Variants in EFCAB6 observed in about 807,000 individuals in gnomAD.
The protein encoded by EFCAB6 is EF-hand calcium-binding domain-containing protein 6.
In EFCAB6, 156 loss-of-function variants were observed where a neutral mutation model predicts 169.8. The ratio of observed to expected loss-of-function variants is 0.92; its 90% CI spans 0.81 to 1.05. The LOEUF (loss-of-function observed/expected upper bound fraction) is 1.05. Ranked by LOEUF, EFCAB6 falls within the 50% of genes least tolerant of loss-of-function variation. EFCAB6 has a pLI of 0.00. For synonymous variants in EFCAB6, 698 were observed against 676.4 expected (o/e 1.03, Z -0.50); for missense variants, 1,800 against 1,829.1 (o/e 0.98, Z 0.29).
At chr22:43,546,506 T>C (rs1023300238) in intron 27 of EFCAB6, among the ~76,000 whole-genome samples, 4 of 152,092 alleles carry the variant, frequency 2.6e-5, no homozygotes, top group Admixed American at 6.6e-5. Flanking sequence ...TTTTAAAAAA[T>C]TGAGAGGAAA....
chr22:43,634,457 T>C (rs1376176376), intron 18 of EFCAB6, among the ~76,000 whole-genome samples: 5 of 152,044 alleles, frequency 3.3e-5, no homozygotes, highest in African/African-American at 9.7e-5. Flanking sequence ...AAATGAAAAA[T>C]GCACAGGGCT....
At chr22:43,676,508 A>C (rs1439945928) in intron 13 of EFCAB6, among the ~76,000 whole-genome samples, 1 of 152,040 alleles carries the variant, frequency 6.6e-6, no homozygotes, top group African/African-American at 2.4e-5. Context: ...AATTTATCAA[A>C]ATTTTAACTG....
At chr22:43,613,446 TC>T (rs779943519) in intron 21 of EFCAB6, among the ~76,000 whole-genome samples, 44 of 152,148 alleles carry the variant, frequency 2.9e-4, no homozygotes, top group East Asian at 2.5e-3. Context: ...AAGAATAAGA[TC>T]ATGTCCTTTG....
At position 43,777,433 on chromosome 22, in the gene EFCAB6, G is replaced by A. The variant is rs141137511; in HGVS notation, c.140-4330C>T. Among the ~76,000 whole-genome samples, 67 of 152,286 alleles carry A rather than the reference G, an allele frequency of 4.4e-4. No individual in the cohort carries two copies. The East Asian group carries it at 0.013, about 29-fold the overall frequency. ...ACAGAGGAATGAGCACAGCCCTGAGGGGGAAGAAGGAACTTAACCCTCCCA... is the reference window on the plus strand; with the variant it reads ...ACAGAGGAATGAGCACAGCCCTGAGAGGGAAGAAGGAACTTAACCCTCCCA... On this transcript the variant is annotated intron_variant, in intron 3 of 31. Coordinates refer to ENST00000262726, the MANE Select transcript of EFCAB6 (RefSeq NM_022785.4).
intron 24 of EFCAB6, among the ~76,000 whole-genome samples, chr22:43,583,921 T>A (rs2050891216): frequency 1.3e-5 from 2 of 152,192 alleles, no homozygotes; most frequent in Non-Finnish European, 2.9e-5. Context: ...CAGCAATTGG[T>A]GTAATCTACA....
chr22:43,597,987 C>T (rs1241934193), intron 23 of EFCAB6, among the ~76,000 whole-genome samples: 1 of 152,070 alleles, frequency 6.6e-6, no homozygotes, highest in Non-Finnish European at 1.5e-5. Context: ...AGACAAATAT[C>T]ACACGTTCTC....
rs532869946 is a variant in EFCAB6, at chr22:43,713,250, G to C, written c.883-1627C>G. Among the ~76,000 whole-genome samples the C allele has an allele frequency of 5.3e-5, 8 of 152,204 alleles. No homozygotes were observed. In the South Asian group the frequency reaches 1.7e-3, roughly 32 times the overall value. On this transcript the variant is annotated intron_variant, in intron 9 of 31. Coordinates refer to ENST00000262726, the MANE Select transcript of EFCAB6 (RefSeq NM_022785.4). ...CGTGATCTCTATACGAGCAGAGATC[G>C]TATCTGTTTTGTTCACAAATAATTA...
intron 7 of EFCAB6, among the ~76,000 whole-genome samples, chr22:43,733,010 TTC>T (rs1462758423): frequency 1.3e-5 from 2 of 152,238 alleles, no homozygotes; most frequent in Non-Finnish European, 2.9e-5. Flanking sequence ...GTATTTATTT[TTC>T]TGTTTTCCAA....
intron 29 of EFCAB6, chr22:43,535,945 A>T (rs1415716090): frequency 6.6e-6 from 1 of 152,236 alleles, no homozygotes; most frequent in Admixed American, 6.5e-5. Flanking sequence ...TGGCCCATAC[A>T]TGCCTCTGAT....
intron 21 of EFCAB6, among the ~76,000 whole-genome samples, chr22:43,613,146 TATC>T (rs1223611141): frequency 1.4e-5 from 2 of 147,796 alleles, no homozygotes; most frequent in Admixed American, 1.4e-4. Context: ...AATATATAAA[TATC>T]ATATATAAAT....
intron 10 of EFCAB6, among the ~76,000 whole-genome samples, chr22:43,690,951 A>G (rs1439318381): frequency 6.6e-6 from 1 of 151,956 alleles, no homozygotes; most frequent in South Asian, 2.1e-4. Flanking sequence ...CTTCCATTAT[A>G]GCACTTATTA....
intron 2 of EFCAB6, among the ~76,000 whole-genome samples, chr22:43,792,679 T>C (rs976790352): frequency 6.6e-6 from 1 of 152,222 alleles, no homozygotes; most frequent in African/African-American, 2.4e-5. Flanking sequence ...AGGAAATTAA[T>C]GTTCAGAGCA....
At chr22:43,548,825 C>G (rs1050093419) in intron 27 of EFCAB6, among the ~76,000 whole-genome samples, 4 of 152,218 alleles carry the variant, frequency 2.6e-5, no homozygotes, top group Admixed American at 6.5e-5. Context: ...ACCCTTCGCT[C>G]AGCCACTGGA....
chr22:43,580,386 G>A, intron 25 of EFCAB6, 78 bp downstream of exon 25: 2 of 1,475,976 alleles, frequency 1.4e-6, no homozygotes, highest in Non-Finnish European at 1.9e-6. Flanking sequence ...AGGTGGGAGG[G>A]GTTTCAGGGT....
intron 6 of EFCAB6, among the ~76,000 whole-genome samples, chr22:43,754,323 T>C (rs1023549580): frequency 6.6e-5 from 10 of 152,090 alleles, no homozygotes; most frequent in South Asian, 2.1e-4. Context: ...GACCACGTGG[T>C]TGGTAAATAG....
At chr22:43,756,181 T>C (rs1324692330) in intron 5 of EFCAB6, among the ~76,000 whole-genome samples, 3 of 152,206 alleles carry the variant, frequency 2.0e-5, no homozygotes, top group African/African-American at 7.2e-5. Flanking sequence ...GGGACCATTA[T>C]CATCCCTGCT....
chr22:43,557,662 C>G (rs748774709), intron 26 of EFCAB6, among the ~76,000 whole-genome samples: 2 of 151,906 alleles, frequency 1.3e-5, no homozygotes, highest in Admixed American at 1.3e-4. Flanking sequence ...GAGTCATATT[C>G]CAATTATTGT....
At chr22:43,771,908 G>C (rs1278855550) in intron 4 of EFCAB6, among the ~76,000 whole-genome samples, 1 of 152,216 alleles carries the variant, frequency 6.6e-6, no homozygotes, top group Non-Finnish European at 1.5e-5. Context: ...GAACTACCCA[G>C]GTCCCTGAGT....
chr22:43,787,534 C>A (rs74342361), intron 2 of EFCAB6, among the ~76,000 whole-genome samples: 1 of 152,016 alleles, frequency 6.6e-6, no homozygotes, highest in Non-Finnish European at 1.5e-5. Flanking sequence ...AGATAAAATA[C>A]TTAGAAATAA....
Sources: gnomAD v4.1 joint callset for allele counts (sites outside exome capture counted in the v4.1 genomes callset) on GRCh38, gnomAD v4.1.1 for gene constraint, MANE v1.5 for transcripts, NCBI Gene and HGNC (gene_info 2026-07-23, HGNC 2026-07-21) for gene names.